The following OSBPL11 variants were observed in gnomAD, a reference collection of about 807,000 sequenced individuals.
The protein encoded by OSBPL11 is oxysterol-binding protein-related protein 11.
Under a neutral mutation model 84.4 loss-of-function variants are expected in OSBPL11, and 33 were observed. That is an observed-to-expected ratio of 0.39 (90% CI 0.30 to 0.52). The LOEUF (loss-of-function observed/expected upper bound fraction) is 0.52, where lower values mean the gene tolerates loss of function less well. Ranked by LOEUF, OSBPL11 falls within the 20% of genes least tolerant of loss-of-function variation. The pLI is 0.72. For missense variants in OSBPL11, 736 were observed against 901.1 expected, an observed-to-expected ratio of 0.82 and a Z score of 2.35; for synonymous variants, 276 against 310.2, an observed-to-expected ratio of 0.89 and a Z score of 1.16.
rs563340673 is a variant in OSBPL11, at chr3:125,595,316, C to T, written c.-516G>A. On this transcript the variant is annotated 5_prime_UTR_variant, in exon 1 of 13. Transcript: ENST00000296220. ...TACAGCCAGGGCCGGCGCGCGCAGC[C>T]GGGGAGGAGGGTCGGGGAATGAGGC... is the stretch of plus-strand genomic sequence containing the variant. Among the ~76,000 whole-genome samples, 1 of 152,048 alleles carries T rather than the reference C, an allele frequency of 6.6e-6. No individual in the cohort carries two copies. The highest frequency in any genetic ancestry group is 1.9e-4 in the East Asian group (1 of 5,130).
At chr3:125,594,321 T>A (rs1936647059) in intron 1 of OSBPL11, among the ~76,000 whole-genome samples, 1 of 152,200 alleles carries the variant, frequency 6.6e-6, no homozygotes. Flanking sequence ...AGCTGGCTTG[T>A]AAATAAATTG....
At chr3:125,592,756 G>A (rs1281570552) in intron 1 of OSBPL11, among the ~76,000 whole-genome samples, 2 of 151,386 alleles carry the variant, frequency 1.3e-5, no homozygotes, top group Non-Finnish European at 2.9e-5. Flanking sequence ...GAGATATCAA[G>A]CATATTAAAA....
At chr3:125,549,222 C>G (rs1273674413) in intron 9 of OSBPL11, among the ~76,000 whole-genome samples, 1 of 152,170 alleles carries the variant, frequency 6.6e-6, no homozygotes, top group Non-Finnish European at 1.5e-5. Flanking sequence ...CGGGGTTTCC[C>G]CATGTTGGCC....
chr3:125,572,817 AT>A (rs34252858), intron 5 of OSBPL11, among the ~76,000 whole-genome samples: 1 of 146,378 alleles, frequency 6.8e-6, no homozygotes, highest in Non-Finnish European at 1.5e-5. Flanking sequence ...ATATATATAT[AT>A]TTTTTATGTA....
At chr3:125,559,624 C>T (rs1339134591) in intron 8 of OSBPL11, among the ~76,000 whole-genome samples, 1 of 151,998 alleles carries the variant, frequency 6.6e-6, no homozygotes, top group East Asian at 1.9e-4. Context: ...TCAAGTGATC[C>T]GCCCACCTCA....
rs1935537606 is a variant in OSBPL11, at chr3:125,530,275, T to C, written c.*240A>G. ...TAAAAGATTCATCTACTGATTCAGG[T>C]AACAAGTTTTAAGATGGTATTGCTC... On this transcript the variant is annotated 3_prime_UTR_variant, in exon 13 of 13. Coordinates refer to ENST00000296220, the MANE Select transcript of OSBPL11 (RefSeq NM_022776.5). 4.2e-6 allele frequency: 2 copies of C among 472,908 alleles called. No individual in the cohort carries two copies. The highest frequency in any genetic ancestry group is 3.4e-5 in the Admixed American group (1 of 29,360). The allele number at this position is 472,908 out of a possible 1,614,324, so 29.3% of individuals were successfully genotyped here.
intron 12 of OSBPL11, among the ~76,000 whole-genome samples, chr3:125,531,534 G>A (rs536845681): frequency 2.0e-5 from 3 of 151,822 alleles, no homozygotes; most frequent in East Asian, 3.9e-4. Flanking sequence ...CAGGTGATCC[G>A]CCTGCCTCGG....
intron 7 of OSBPL11, among the ~76,000 whole-genome samples, 195 bp from the exon 8 acceptor site, chr3:125,560,714 G>T (rs138896380): frequency 0.01 from 1,568 of 152,290 alleles, 15 homozygotes; most frequent in Middle Eastern, 0.017. Context: ...TATTGCTGAT[G>T]TTGAACATAT....
chr3:125,590,035 T>G (rs961707467), intron 1 of OSBPL11, among the ~76,000 whole-genome samples: 7 of 152,234 alleles, frequency 4.6e-5, no homozygotes, highest in Non-Finnish European at 8.8e-5. Flanking sequence ...TTTGCAGATT[T>G]GTGAATTTCT....
chr3:125,567,296 T>C, intron 6 of OSBPL11, 98 bp downstream of exon 6: 9 of 1,115,854 alleles, frequency 8.1e-6, no homozygotes, highest in Non-Finnish European at 9.1e-6. Context: ...TTCTCCTTTT[T>C]TTAAGTTAAG....
At chr3:125,593,133 G>A (rs983073412) in intron 1 of OSBPL11, among the ~76,000 whole-genome samples, 1 of 152,174 alleles carries the variant, frequency 6.6e-6, no homozygotes, top group African/African-American at 2.4e-5. Flanking sequence ...ACCCAAATGT[G>A]AATGCCAGGG....
intron 1 of OSBPL11, among the ~76,000 whole-genome samples, chr3:125,593,063 C>T (rs1011691089): frequency 3.3e-5 from 5 of 152,104 alleles, no homozygotes; most frequent in Non-Finnish European, 4.4e-5. Flanking sequence ...AAGTTGTAAA[C>T]CAAAAATAAC....
At chr3:125,540,107 T>C (rs1461843011) in intron 10 of OSBPL11, among the ~76,000 whole-genome samples, 1 of 152,074 alleles carries the variant, frequency 6.6e-6, no homozygotes, top group Non-Finnish European at 1.5e-5. Context: ...ACCAGATCTC[T>C]GGAATCTAAG....
chr3:125,551,361 TACAC>T (rs1204431587), intron 9 of OSBPL11, among the ~76,000 whole-genome samples: 7 of 151,480 alleles, frequency 4.6e-5, no homozygotes, highest in African/African-American at 7.3e-5. Flanking sequence ...AGTATGAACA[TACAC>T]ACACAGAAAA....
chr3:125,533,260 T>G (rs1935589709), intron 11 of OSBPL11, among the ~76,000 whole-genome samples: 1 of 149,418 alleles, frequency 6.7e-6, no homozygotes, highest in South Asian at 2.2e-4. Context: ...CTCTTTTTTC[T>G]TTTTTTGAGA....
chr3:125,555,965 G>A (rs1213538631), intron 8 of OSBPL11, among the ~76,000 whole-genome samples: 2 of 152,198 alleles, frequency 1.3e-5, no homozygotes, highest in Non-Finnish European at 2.9e-5. Flanking sequence ...TTACAGGCGT[G>A]AGCCACTGCA....
chr3:125,577,010 T>C (rs1279438630), intron 4 of OSBPL11, among the ~76,000 whole-genome samples: 1 of 152,056 alleles, frequency 6.6e-6, no homozygotes, highest in Non-Finnish European at 1.5e-5. Context: ...ACACAGAAAA[T>C]GCACTCAGCA....
In OSBPL11 at chr3:125,567,535, T is replaced by A. The variant is rs1299577007; in HGVS notation, c.727A>T (p.Thr243Ser). 2.5e-6 allele frequency: 4 copies of A among 1,614,024 alleles called. No individual in the cohort carries two copies. The highest frequency in any genetic ancestry group is 3.3e-5 in the Admixed American group (2 of 60,006). ...TCCAAGGAACTAAGATGGCCAGAAG[T>A]AGGAAGGCATTCAATTCGTCTAATT... ...DLIRRIECLP[T>S]SGHLSSLDQD... The change falls in exon 6 of 13, where the codon ACT becomes TCT. Residue 243 changes from threonine (T) to serine (S), a missense_variant. By Grantham distance (58) the Thr-to-Ser change is moderately conservative. Around this residue, in one of 3 missense-constraint regions of OSBPL11, gnomAD observed 579 missense variants for 717.6 expected, o/e 0.81. Coordinates refer to ENST00000296220, the MANE Select transcript of OSBPL11 (RefSeq NM_022776.5).
chr3:125,591,934 C>A (rs1025745315), intron 1 of OSBPL11, among the ~76,000 whole-genome samples: 1 of 151,950 alleles, frequency 6.6e-6, no homozygotes, highest in African/African-American at 2.4e-5. Flanking sequence ...CCTAGCAGTT[C>A]AAGGCTGCAG....
Sources: allele counts gnomAD v4.1 joint callset (sites outside exome capture counted in the v4.1 genomes callset), GRCh38; gene constraint gnomAD v4.1.1; regional missense constraint gnomAD v4.1.1; transcripts MANE v1.5; gene names NCBI Gene and HGNC (gene_info 2026-07-23, HGNC 2026-07-21).